Variants in VWF observed in about 807,000 individuals in gnomAD.
The protein encoded by VWF is von Willebrand factor, also known as Factor VIII related antigen.
In VWF, 176 loss-of-function variants were observed where a neutral mutation model predicts 308.6. The observed-to-expected ratio is 0.57, with a 90% confidence interval of 0.50 to 0.65. The LOEUF (loss-of-function observed/expected upper bound fraction) is 0.65, where lower values mean the gene tolerates loss of function less well. Among genes scored for constraint, VWF ranks in the 30% least tolerant of loss-of-function variants. The probability of loss-of-function intolerance (pLI) is 0.00; values close to 1 mark genes in which losing one functional copy is unlikely to be tolerated. For missense variants in VWF, 3,146 were observed against 3,648.2 expected (o/e 0.86, Z 3.55); for synonymous variants, 1,385 against 1,443.4 (o/e 0.96, Z 0.92).
chr12:6,054,065 C>A (rs933820019), intron 15 of VWF, among the ~76,000 whole-genome samples: 1 of 152,214 alleles, frequency 6.6e-6, no homozygotes, highest in African/African-American at 2.4e-5. Context: ...GAGACCATCA[C>A]AATCCTTCCC....
chr12:6,091,282 T>TG (rs1366671292), intron 6 of VWF, among the ~76,000 whole-genome samples: 51 of 54,078 alleles, frequency 9.4e-4, no homozygotes, highest in African/African-American at 3.0e-3. Flanking sequence ...GTTACCGTGA[T>TG]GGGGGGTGGG....
Position 6,122,358 on chromosome 12 carries a change from C to T in VWF, c.55+784G>A, listed in dbSNP as rs117223545. Among the ~76,000 whole-genome samples the T allele has an allele frequency of 4.9e-4, 75 of 152,282 alleles. No individual in the cohort carries two copies. The East Asian group carries it at 0.012, about 24-fold the overall frequency. ...ATTTTAAACAGATCAGACTGTGTGC[C>T]TGACACATAGACTCTCTGAAGTGTG... On this transcript the variant is annotated intron_variant, in intron 2 of 51. Transcript: ENST00000261405.
chr12:6,071,599 T>C (rs1052944101), intron 9 of VWF, among the ~76,000 whole-genome samples: 2 of 151,854 alleles, frequency 1.3e-5, no homozygotes, highest in Non-Finnish European at 2.9e-5. Flanking sequence ...AACTACCTGA[T>C]CCCCCTGAAA....
intron 34 of VWF, among the ~76,000 whole-genome samples, chr12:6,005,652 C>G (rs1305499763): frequency 6.6e-6 from 1 of 152,054 alleles, no homozygotes; most frequent in Admixed American, 6.6e-5. Context: ...TAAAAGGGGG[C>G]CACAATGAGA....
intron 12 of VWF, 50 bp downstream of exon 12, chr12:6,064,196 A>G: frequency 1.4e-5 from 22 of 1,613,730 alleles, no homozygotes; most frequent in Non-Finnish European, 1.9e-5. Flanking sequence ...GAGGGTGCTA[A>G]GGGATGGGCT....
intron 18 of VWF, among the ~76,000 whole-genome samples, 173 bp downstream of exon 18, chr12:6,044,118 G>A (rs979358102): frequency 7.1e-6 from 1 of 140,384 alleles, no homozygotes. Context: ...GACTTTGGCA[G>A]GGAGGAGACA....
At chr12:6,056,169 C>T (rs1055389785) in intron 15 of VWF, among the ~76,000 whole-genome samples, 1 of 146,058 alleles carries the variant, frequency 6.8e-6, no homozygotes, top group African/African-American at 2.6e-5. Flanking sequence ...TCTAGTAGGG[C>T]GGCCATTTCC....
intron 42 of VWF, among the ~76,000 whole-genome samples, chr12:5,979,918 G>C (rs1414892099): frequency 6.7e-6 from 1 of 149,836 alleles, no homozygotes; most frequent in East Asian, 2.0e-4. Context: ...GCGGGCGCCT[G>C]TAGTCCCAGC....
At chr12:6,051,286 CTTTT>C (rs55842185) in intron 16 of VWF, among the ~76,000 whole-genome samples, 14 of 117,532 alleles carry the variant, frequency 1.2e-4, no homozygotes, top group African/African-American at 3.7e-4. Flanking sequence ...TTCTTTTTTT[CTTTT>C]TTTTTTTTTT....
intron 10 of VWF, 111 bp downstream of exon 10, chr12:6,071,186 G>A: frequency 7.6e-7 from 1 of 1,319,418 alleles, no homozygotes; most frequent in Non-Finnish European, 1.1e-6. Context: ...CCTGTGCAGA[G>A]AGGGCAACTT....
At chr12:6,070,568 T>C (rs899825318) in intron 10 of VWF, among the ~76,000 whole-genome samples, 1 of 152,172 alleles carries the variant, frequency 6.6e-6, no homozygotes, top group Non-Finnish European at 1.5e-5. Context: ...TGAGAATAAA[T>C]TGCACCTGCC....
At chr12:6,017,028 G>T (rs1944071069) in intron 28 of VWF, among the ~76,000 whole-genome samples, 158 bp from the exon 29 acceptor site, 1 of 152,206 alleles carries the variant, frequency 6.6e-6, no homozygotes, top group African/African-American at 2.4e-5. Flanking sequence ...GGGCAATGTG[G>T]GCCAGGGAGG....
intron 28 of VWF, 128 bp from the exon 29 acceptor site, chr12:6,016,998 G>A (rs1282200711): frequency 2.0e-6 from 2 of 997,484 alleles, no homozygotes; most frequent in Admixed American, 1.7e-5. Flanking sequence ...GGGGGGCGGG[G>A]GGTGCCTTCG....
chr12:6,092,392 G>A (rs1271726999), intron 6 of VWF, among the ~76,000 whole-genome samples: 1 of 151,738 alleles, frequency 6.6e-6, no homozygotes, highest in Non-Finnish European at 1.5e-5. Flanking sequence ...ACCCAGGCTG[G>A]AGTGTAGTGA....
chr12:5,980,093 AG>A (rs1943582503), intron 42 of VWF, among the ~76,000 whole-genome samples: 1 of 8,198 alleles, frequency 1.2e-4, no homozygotes, highest in African/African-American at 2.8e-4. Context: ...AAAGAAAGAA[AG>A]GAAGGAAGGA....
rs199688142 is a variant in VWF at position 5,967,639 on chromosome 12, T to A, written c.7771-37A>T. 4,737 of 1,528,960 alleles carry A rather than the reference T, an allele frequency of 3.1e-3. 9 individuals are homozygous for A. Among genetic ancestry groups the A allele is most frequent in the Non-Finnish European group, 3.9e-3 (4,427 of 1,125,094 alleles). 94.7% of individuals were successfully genotyped at this position (1,528,960 alleles called of 1,614,324 possible). A position where few individuals can be genotyped will look rare whatever the true frequency, so the allele number is the denominator to read the frequency against. On this transcript the variant is annotated intron_variant, in intron 46 of 51. Coordinates refer to ENST00000261405, the MANE Select transcript of VWF (RefSeq NM_000552.5). The stretch of plus-strand genomic sequence containing the variant: ...GGCACCAGGGTCAGGCCCCCCAGCA[T>A]CCCCCAACCCCCCACTCACCTCACT...
chr12:6,110,437 T>C lies in VWF; in HGVS notation c.469A>G (p.Lys157Glu), dbSNP rs553810662. ...AAGTTGCCACACAGCCCGCAGGTCT[T>C]GTTGAAGTATCTGTCTGACAGCAGG... ...QVLLSDRYFN[K>E]TCGLCGNFNI... The change falls in exon 5 of 52, where the codon AAG (lysine) becomes GAG (glutamate). Residue 157 changes from lysine (K) to glutamate (E), a missense_variant. Coordinates refer to ENST00000261405, the MANE Select transcript of VWF (RefSeq NM_000552.5). The C allele has an allele frequency of 1.2e-6, 2 of 1,614,202 alleles. No individual in the cohort carries two copies. The highest frequency in any genetic ancestry group is 1.1e-5 in the South Asian group (1 of 91,084).
At chr12:6,062,901 G>A in intron 13 of VWF, 53 bp downstream of exon 13, 3 of 1,450,484 alleles carry the variant, frequency 2.1e-6, no homozygotes, top group Non-Finnish European at 1.9e-6. Context: ...AGCACAAGGG[G>A]TACTTTGTAA....
At chr12:6,103,398 ACGTGTGTG>A (rs1945194976) in intron 5 of VWF, among the ~76,000 whole-genome samples, 1 of 111,440 alleles carries the variant, frequency 9.0e-6, no homozygotes, top group African/African-American at 7.1e-5. Flanking sequence ...GTGTGTATAC[ACGTGTGTG>A]TATACACACG....
Sources: gnomAD v4.1 joint callset for allele counts (sites outside exome capture counted in the v4.1 genomes callset) on GRCh38, gnomAD v4.1.1 for gene constraint, MANE v1.5 for transcripts, NCBI Gene and HGNC (gene_info 2026-07-23, HGNC 2026-07-21) for gene names.